The following TK2 variants were observed in gnomAD, a reference collection of about 807,000 sequenced individuals.
The protein encoded by TK2 is thymidine kinase 2, also known as thymidine kinase 2, mitochondrial.
In TK2, 35 loss-of-function variants were observed where a neutral mutation model predicts 41.9. The ratio of observed to expected loss-of-function variants is 0.84; its 90% CI spans 0.64 to 1.11. The LOEUF (loss-of-function observed/expected upper bound fraction) is 1.11. Ranked by LOEUF, TK2 falls within the 50% of genes least tolerant of loss-of-function variation. The pLI, the probability that TK2 is intolerant of heterozygous loss-of-function variation, is 0.00. For missense variants in TK2, 320 were observed against 351.1 expected (o/e 0.91, Z 0.71); for synonymous variants, 128 against 129.1 (o/e 0.99, Z 0.06).
At chr16:66,539,158 T>C (rs1051536013) in intron 3 of TK2, among the ~76,000 whole-genome samples, 4 of 152,134 alleles carry the variant, frequency 2.6e-5, no homozygotes, top group African/African-American at 9.7e-5. Flanking sequence ...TAAAGTGCCA[T>C]TAAGAGTCAT....
intron 6 of TK2, among the ~76,000 whole-genome samples, chr16:66,522,020 G>C (rs1204943798): frequency 6.6e-6 from 1 of 152,182 alleles, no homozygotes; most frequent in Non-Finnish European, 1.5e-5. Flanking sequence ...GACCTTGTGA[G>C]GCTGGCTTCA....
chr16:66,517,823 G>C lies in TK2; in HGVS notation c.504C>G (p.Ile168Met), dbSNP rs2144356527. 1 of 1,614,194 alleles carries C rather than the reference G, an allele frequency of 6.2e-7. No individual in the cohort carries two copies. The highest frequency in any genetic ancestry group is 1.7e-4 in the Middle Eastern group (1 of 6,060). Residue 168 changes from isoleucine (I) to methionine (M), a missense_variant, in exon 7 of 10, where the codon ATC becomes ATG. Physicochemically the swap from Ile to Met is conservative, Grantham distance 10. Transcript: ENST00000544898. The surrounding 1 kb of genome is among the most constrained non-coding windows in gnomAD (Gnocchi z 4.3). Reference sequence around the variant, plus strand: ...CAACAGACACGTCCATGTTCCTCAAGATCCAGTCAAACCATTCCGACAGAA... The same window carrying C: ...CAACAGACACGTCCATGTTCCTCAACATCCAGTCAAACCATTCCGACAGAA... ...YVVLSEWFDWILRNMDVSVDL... is the reference protein window; with the variant it reads ...YVVLSEWFDWMLRNMDVSVDL...
At chr16:66,547,358 C>T (rs1031053899) in intron 2 of TK2, among the ~76,000 whole-genome samples, 2 of 152,166 alleles carry the variant, frequency 1.3e-5, no homozygotes, top group South Asian at 4.1e-4. Context: ...AGAGGCAACC[C>T]GGATCGTGCT....
intron 8 of TK2, among the ~76,000 whole-genome samples, chr16:66,516,543 G>C (rs1467377323): frequency 6.6e-6 from 1 of 152,186 alleles, no homozygotes; most frequent in African/African-American, 2.4e-5. Context: ...CTGGAGGCCA[G>C]ATTTTGAAGG....
intron 6 of TK2, among the ~76,000 whole-genome samples, chr16:66,521,413 C>A (rs1964776173): frequency 6.6e-6 from 1 of 152,238 alleles, no homozygotes; most frequent in African/African-American, 2.4e-5. Flanking sequence ...AGGGTTGGTG[C>A]AGACTGAGGG....
rs1487093181 is a variant in TK2, at chr16:66,549,943, G to A, written c.119C>T (p.Pro40Leu). The A allele has an allele frequency of 5.2e-6, 7 of 1,358,284 alleles. No individual in the cohort carries two copies. Among genetic ancestry groups the A allele is most frequent in the Non-Finnish European group, 6.6e-6 (7 of 1,064,258 alleles). The allele number at this position is 1,358,284 out of a possible 1,614,324, so 84.1% of individuals were successfully genotyped here. A position where few individuals can be genotyped will look rare whatever the true frequency, so the allele number is the denominator to read the frequency against. The change falls in exon 1 of 10, where the codon CCT (proline) becomes CTT (leucine). Residue 40 changes from proline (P) to leucine (L), a missense_variant. By Grantham distance (98) the Pro-to-Leu change is moderately conservative. Transcript: ENST00000544898. Reference sequence around the variant, plus strand: ...GGGACCAAGACGCGCGTTACCGGGAGGCCAGGCCCGGCGCTGCACCCTCCG... The same window carrying A: ...GGGACCAAGACGCGCGTTACCGGGAAGCCAGGCCCGGCGCTGCACCCTCCG... Reference protein sequence around the residue: ...GPRRVQRRAWPPDKEQEKEKK... With the variant: ...GPRRVQRRAWLPDKEQEKEKK...
intron 6 of TK2, among the ~76,000 whole-genome samples, chr16:66,528,725 T>C (rs1324689228): frequency 1.3e-5 from 2 of 152,190 alleles, no homozygotes; most frequent in Non-Finnish European, 2.9e-5. Context: ...TTGCTTAGGC[T>C]ATCCTACATC....
chr16:66,530,040 G>A (rs1965061362), intron 5 of TK2, among the ~76,000 whole-genome samples: 1 of 152,196 alleles, frequency 6.6e-6, no homozygotes, highest in Non-Finnish European at 1.5e-5. Flanking sequence ...TTGCAATTGA[G>A]TGCCTGCTCA....
At chr16:66,537,141 G>T in intron 3 of TK2, 124 bp from the exon 4 acceptor site, 1 of 1,355,180 alleles carries the variant, frequency 7.4e-7, no homozygotes, top group Non-Finnish European at 1.0e-6. Context: ...CCAAATTTGG[G>T]TGCCCAAGGT....
At chr16:66,539,798 G>A (rs946449233) in intron 3 of TK2, among the ~76,000 whole-genome samples, 41 of 152,156 alleles carry the variant, frequency 2.7e-4, no homozygotes, top group African/African-American at 7.7e-4. Context: ...CAGGCAAGCT[G>A]GCCTGAACCT....
chr16:66,538,553 T>A (rs569787556), intron 3 of TK2, among the ~76,000 whole-genome samples: 80 of 152,202 alleles, frequency 5.3e-4, no homozygotes, highest in Non-Finnish European at 7.8e-4. Context: ...GTGCCAGATA[T>A]CCATGCTAGG....
chr16:66,538,246 T>C (rs1253291350), intron 3 of TK2, among the ~76,000 whole-genome samples: 1 of 152,156 alleles, frequency 6.6e-6, no homozygotes, highest in Non-Finnish European at 1.5e-5. Flanking sequence ...CTCTGTGTCT[T>C]TGCTTACGTT....
In TK2 at chr16:66,513,779, C is replaced by T. The variant is rs200949351; in HGVS notation, c.651G>A (p.Glu217=). 3 of 1,613,970 alleles carry T rather than the reference C, an allele frequency of 1.9e-6. No homozygotes were observed. Among genetic ancestry groups the T allele is most frequent in the African/African-American group, 1.3e-5 (1 of 74,910 alleles). The stretch of plus-strand genomic sequence containing the variant: ...AAAGGCTGCCTTTGATGAGCCACTC[C>T]TCATGGAGATGGTGAATTGCTTCCA... ...EYLEAIHHLH[E]EWLIKGSLFP... is the part of the protein sequence containing the mutation. Residue 217 remains glutamate, a synonymous_variant, in exon 9 of 10, where the codon GAG becomes GAA. Coordinates refer to ENST00000544898, the MANE Select transcript of TK2 (RefSeq NM_004614.5).
At chr16:66,525,643 T>C (rs562313791) in intron 6 of TK2, among the ~76,000 whole-genome samples, 1 of 152,132 alleles carries the variant, frequency 6.6e-6, no homozygotes, top group Non-Finnish European at 1.5e-5. Flanking sequence ...CCCAGTAGCC[T>C]CTGGAGTGCC....
chr16:66,528,346 C>A (rs1039062955), intron 6 of TK2, among the ~76,000 whole-genome samples: 5 of 152,176 alleles, frequency 3.3e-5, no homozygotes, highest in Admixed American at 1.3e-4. Context: ...CACCAGAAGC[C>A]CCTAACTAGG....
chr16:66,527,821 G>C (rs1313418771), intron 6 of TK2, among the ~76,000 whole-genome samples: 2 of 152,280 alleles, frequency 1.3e-5, no homozygotes, highest in African/African-American at 4.8e-5. Flanking sequence ...CTTGAGCCCA[G>C]GAGTTCAAGA....
intron 6 of TK2, among the ~76,000 whole-genome samples, chr16:66,525,380 A>T (rs1049339344): frequency 6.6e-6 from 1 of 152,252 alleles, no homozygotes; most frequent in African/African-American, 2.4e-5. Context: ...ATACAAACTT[A>T]AGAACATATT....
chr16:66,533,584 T>C (rs1356670710), intron 4 of TK2, among the ~76,000 whole-genome samples: 1 of 152,028 alleles, frequency 6.6e-6, no homozygotes. Flanking sequence ...GTTTAAAATT[T>C]TTAAAGAAGT....
chr16:66,516,911 C>G (rs2144353100), intron 8 of TK2, among the ~76,000 whole-genome samples: 1 of 152,046 alleles, frequency 6.6e-6, no homozygotes, highest in Middle Eastern at 3.4e-3. Context: ...GGAGGGTTGC[C>G]AAACTGTGAG....
Sources: gnomAD v4.1 joint callset for allele counts (sites outside exome capture counted in the v4.1 genomes callset) on GRCh38, gnomAD v4.1.1 for gene constraint, Gnocchi (gnomAD v3.1) non-coding constraint, MANE v1.5 for transcripts, NCBI Gene and HGNC (gene_info 2026-07-23, HGNC 2026-07-21) for gene names.